The following LTK variants were observed in gnomAD, a reference collection of about 807,000 sequenced individuals.
LTK encodes leukocyte receptor tyrosine kinase.
A neutral mutation model predicts 101.5 loss-of-function variants in LTK; 117 were observed. That is an observed-to-expected ratio of 1.15 (90% CI 0.99 to 1.34). The LOEUF is 1.34. LTK is among the 40% of genes most tolerant of loss of function. The pLI is 0.00. For missense variants in LTK, 1,252 were observed against 1,164.7 expected (o/e 1.07, Z -1.09); for synonymous variants, 563 against 494.2 (o/e 1.14, Z -1.85).
In LTK at chr15:41,511,882, C is replaced by T; in HGVS notation, c.592G>A (p.Val198Ile). 2.0e-6 allele frequency: 3 copies of T among 1,471,796 alleles called. 1 individual carries two copies. The South Asian group carries it at 4.0e-5, about 20-fold the overall frequency. 91.2% of individuals were successfully genotyped at this position (1,471,796 alleles called of 1,614,324 possible). ...CCCGCCCAGCGCCGCGACCCCGGGA[C>T]CCCTTCGCTCCCATCCATCGCCGCG... ...EHAAMDGSEGVPGSRRWAGGG... is the reference protein window; with the variant it reads ...EHAAMDGSEGIPGSRRWAGGG... The change falls in exon 5 of 20, where the codon GTC (valine) becomes ATC (isoleucine). Residue 198 changes from valine (V) to isoleucine (I), a missense_variant. By Grantham distance (29) the Val-to-Ile change is conservative. Coordinates refer to ENST00000263800, the MANE Select transcript of LTK (RefSeq NM_002344.6). The surrounding 1 kb of genome is among the most constrained non-coding windows in gnomAD (Gnocchi z 5.9).
At chr15:41,504,941 CA>C (rs1338428500) in intron 16 of LTK, 30 bp downstream of exon 16, 2 of 1,598,682 alleles carry the variant, frequency 1.3e-6, no homozygotes, top group Non-Finnish European at 1.7e-6. Context: ...CCCCTTGGAG[CA>C]AGAGCCTTCC....
chr15:41,506,454 G>A (rs767212083), intron 11 of LTK, among the ~76,000 whole-genome samples: 29 of 152,212 alleles, frequency 1.9e-4, no homozygotes, highest in Middle Eastern at 3.4e-3. Context: ...ACAGGCAAGC[G>A]CCACAACGCC....
rs1292836043 is a variant in LTK at position 41,504,628 on chromosome 15, C to T, written c.2133G>A (p.Val711=). The T allele has an allele frequency of 2.5e-6, 4 of 1,613,004 alleles. No homozygotes were observed. In the Admixed American group the frequency reaches 5.0e-5, roughly 20 times the overall value. The change falls in exon 18 of 20, where the codon GTG becomes GTA. Residue 711 remains valine (V), a synonymous_variant. Transcript: ENST00000263800. ...TSKTDSWSFG[V]LLWEIFSLGY... The stretch of plus-strand genomic sequence containing the variant: ...CCAGTGAGAAGATCTCCCAGAGCAG[C>T]ACCCCAAAAGACCTGCATCACAAGT...
At position 41,507,243 on chromosome 15, in the gene LTK, G is replaced by A. The variant is rs745711047; in HGVS notation, c.1393C>T (p.Pro465Ser). 3 of 1,603,860 alleles carry A rather than the reference G, an allele frequency of 1.9e-6. No individual in the cohort carries two copies. The highest frequency in any genetic ancestry group is 1.7e-6 in the Non-Finnish European group (2 of 1,173,138). The change falls in exon 11 of 20, where the codon CCT becomes TCT. Residue 465 changes from proline (P) to serine (S), a missense_variant. Coordinates refer to ENST00000263800, the MANE Select transcript of LTK (RefSeq NM_002344.6). ...CGAAGCTTGCTCAGCTCAAGCTCAGGGCTCGGCAGCCTCATCTCCTGCAGG... is the reference window on the plus strand; with the variant it reads ...CGAAGCTTGCTCAGCTCAAGCTCAGAGCTCGGCAGCCTCATCTCCTGCAGG... Reference protein sequence around the residue: ...QGLQEMRLPSPELELSKLRTS... With the variant: ...QGLQEMRLPSSELELSKLRTS...
intron 15 of LTK, 49 bp downstream of exon 15, chr15:41,505,159 T>C: frequency 1.3e-6 from 2 of 1,593,442 alleles, no homozygotes; most frequent in East Asian, 2.2e-5. Flanking sequence ...GGCTGTTCCT[T>C]GGGGAGGGAG....
chr15:41,505,929 G>A lies in LTK; in HGVS notation c.1618C>T (p.Gln540Ter). 3.1e-6 allele frequency: 5 copies of A among 1,613,276 alleles called. No homozygotes were observed. The highest frequency in any genetic ancestry group is 1.3e-5 in the African/African-American group (1 of 75,020). ...ACTCCTCTCACCTTGATAGCTACCT[G>A]CAGGGGACTGGAGTCCCCAGGAAGG... ...IGLPGDSSPL[Q>*]VAIKTLPELC... The change falls in exon 12 of 20, where the codon CAG becomes TAG. Residue 540 changes from glutamine to a stop codon, truncating the protein, a stop_gained. Transcript: ENST00000263800. LOFTEE classifies it high-confidence loss of function.
At chr15:41,506,156 A>C (rs2140702086) in intron 11 of LTK, 151 bp from the exon 12 acceptor site, 1 of 593,732 alleles carries the variant, frequency 1.7e-6, no homozygotes. Context: ...CCCAGGTAGA[A>C]GCCCTGCAAG....
At chr15:41,504,930 C>T (rs535222095) in intron 16 of LTK, 42 bp downstream of exon 16, 20 of 1,596,864 alleles carry the variant, frequency 1.3e-5, no homozygotes, top group South Asian at 6.8e-5. Flanking sequence ...GCGGGGAAAA[C>T]CCCCTTGGAG....
intron 15 of LTK, 55 bp from the exon 16 acceptor site, chr15:41,505,119 T>C: frequency 1.9e-6 from 3 of 1,584,592 alleles, no homozygotes; most frequent in Non-Finnish European, 2.6e-6. Context: ...TTGCTCTTCC[T>C]GATCTATTTC....
Position 41,503,694 on chromosome 15 carries a change from A to T in LTK, c.*302T>A. On this transcript the variant is annotated 3_prime_UTR_variant, in exon 20 of 20. Coordinates refer to ENST00000263800, the MANE Select transcript of LTK (RefSeq NM_002344.6). ...TCTGCAGGGTGGGGGGTCTGCCCAGATGAAGGATGCTCATAATGGGAGAGC... is the reference window on the plus strand; with the variant it reads ...TCTGCAGGGTGGGGGGTCTGCCCAGTTGAAGGATGCTCATAATGGGAGAGC... 1 of 636,936 alleles carries T rather than the reference A, an allele frequency of 1.6e-6. No individual in the cohort carries two copies. The highest frequency in any genetic ancestry group is 3.4e-5 in the East Asian group (1 of 29,260). The allele number at this position is 636,936 out of a possible 1,614,324, so 39.5% of individuals were successfully genotyped here.
Position 41,505,224 on chromosome 15 carries a change from T to G in LTK, c.1909A>C (p.Asn637His), listed in dbSNP as rs368975307. 4 of 1,614,038 alleles carry G rather than the reference T, an allele frequency of 2.5e-6. No homozygotes were observed. Among genetic ancestry groups the G allele is most frequent in the African/African-American group, 2.7e-5 (2 of 74,994 alleles). ...IAQGCHYLEE[N>H]HFIHRDIAAR... ...GCTCCTAACCTGTGGATGAAGTGAT[T>G]TTCCTCCAGGTAGTGGCAGCCCTGG... The change falls in exon 15 of 20, where the codon AAT becomes CAT. Residue 637 changes from asparagine to histidine, a missense_variant. By Grantham distance (68) the Asn-to-His change is moderately conservative. Transcript: ENST00000263800.
intron 15 of LTK, 47 bp from the exon 16 acceptor site, chr15:41,505,111 G>C (rs549665057): frequency 7.6e-6 from 12 of 1,585,552 alleles, no homozygotes; most frequent in Non-Finnish European, 1.0e-5. Flanking sequence ...AGAAGTTCTT[G>C]CTCTTCCTGA....
rs778476567 is a variant in LTK at position 41,503,678 on chromosome 15, T to TG, written c.*317dup. On this transcript the variant is annotated 3_prime_UTR_variant, in exon 20 of 20. Transcript: ENST00000263800. ...CTTTTTATTAGAAGCATCTGCAGGG[T>TG]GGGGGGTCTGCCCAGATGAAGGATG... 3.0e-4 allele frequency: 187 copies of TG among 620,760 alleles called. No homozygotes were observed. The highest frequency in any genetic ancestry group is 2.3e-3 in the African/African-American group (129 of 55,898). The allele number at this position is 620,760 out of a possible 1,614,324, so 38.5% of individuals were successfully genotyped here. A position where few individuals can be genotyped will look rare whatever the true frequency, so the allele number is the denominator to read the frequency against.
chr15:41,513,254 C>T (rs112186033), intron 1 of LTK, 134 bp from the exon 2 acceptor site: 4 of 1,075,242 alleles, frequency 3.7e-6, no homozygotes, highest in South Asian at 1.6e-5. Context: ...CGCTCTCAGC[C>T]TGGAAGCCAC....
In LTK at chr15:41,512,208, C is replaced by T; in HGVS notation, c.417G>A (p.Ala139=). ...GKGAKNHLSR[A]HGVFVSAIFS... ...AGATTGCTGAGACGAAGACGCCATG[C>T]GCCCGCGACAGGTGGTTCTTGGCGC... Residue 139 remains alanine, a synonymous_variant, in exon 4 of 20, where the codon GCG becomes GCA. Transcript: ENST00000263800. 6.2e-7 allele frequency: 1 copy of T among 1,613,128 alleles called. No homozygotes were observed. Among genetic ancestry groups the T allele is most frequent in the Non-Finnish European group, 8.5e-7 (1 of 1,179,786 alleles).
chr15:41,506,486 G>C (rs181140717), intron 11 of LTK, among the ~76,000 whole-genome samples: 34 of 151,514 alleles, frequency 2.2e-4, no homozygotes, highest in African/African-American at 8.0e-4. Context: ...TGTGTTTTTA[G>C]TAGACACAGG....
At chr15:41,505,809 G>A (rs773602721) in intron 12 of LTK, 32 bp from the exon 13 acceptor site, 13 of 1,610,758 alleles carry the variant, frequency 8.1e-6, no homozygotes, top group South Asian at 1.1e-5. Flanking sequence ...TTTCTGAGCT[G>A]CCCTGCACGC....
At chr15:41,505,600 C>T in intron 13 of LTK, 70 bp from the exon 14 acceptor site, 2 of 1,607,898 alleles carry the variant, frequency 1.2e-6, no homozygotes, top group East Asian at 2.2e-5. Context: ...CTCCACAAAG[C>T]TGGAGAGGCC....
chr15:41,503,919 C>T lies in LTK; in HGVS notation c.*77G>A. The T allele has an allele frequency of 6.7e-7, 1 of 1,484,488 alleles. No homozygotes were observed. The allele number at this position is 1,484,488 out of a possible 1,614,324, so 92.0% of individuals were successfully genotyped here. A position where few individuals can be genotyped will look rare whatever the true frequency, so the allele number is the denominator to read the frequency against. ...CAGGGAACAGAGGCCGCTGGCATAA[C>T]AGGCCACCCAGGAGCCTGAGGAGTA... is the stretch of plus-strand genomic sequence containing the variant. On this transcript the variant is annotated 3_prime_UTR_variant, in exon 20 of 20. Transcript: ENST00000263800.
Sources: gnomAD v4.1 joint callset for allele counts (sites outside exome capture counted in the v4.1 genomes callset) on GRCh38, gnomAD v4.1.1 for gene constraint, Gnocchi (gnomAD v3.1) non-coding constraint, MANE v1.5 for transcripts, NCBI Gene and HGNC (gene_info 2026-07-23, HGNC 2026-07-21) for gene names.